The following DAB1 variants were observed in gnomAD, a reference collection of about 807,000 sequenced individuals.
DAB1 encodes disabled homolog 1.
In DAB1, 15 loss-of-function variants were observed where a neutral mutation model predicts 64.6. The ratio of observed to expected loss-of-function variants is 0.23; its 90% CI spans 0.16 to 0.36. The LOEUF is 0.36. Among genes scored for constraint, DAB1 ranks in the 10% least tolerant of loss-of-function variants. DAB1 has a pLI of 1.00. For synonymous variants in DAB1, 235 were observed against 251.9 expected (o/e 0.93, Z 0.64); for missense variants, 596 against 706.7 (o/e 0.84, Z 1.78).
At chr1:57,377,917 G>A (rs1466556126) in intron 1 of DAB1, among the ~76,000 whole-genome samples, 2 of 152,188 alleles carry the variant, frequency 1.3e-5, no homozygotes, top group Non-Finnish European at 2.9e-5. Flanking sequence ...TGGGTGGAAA[G>A]GGTCCTTCTA....
At chr1:57,264,716 C>G (rs1670456485) in intron 2 of DAB1, among the ~76,000 whole-genome samples, 1 of 152,160 alleles carries the variant, frequency 6.6e-6, no homozygotes, top group African/African-American at 2.4e-5. Context: ...CAGGCTCTCA[C>G]TCACCCTGGG....
intron 5 of DAB1, among the ~76,000 whole-genome samples, chr1:57,943,147 G>T (rs1445819023): frequency 6.6e-6 from 1 of 152,208 alleles, no homozygotes; most frequent in Non-Finnish European, 1.5e-5. Context: ...AAAACCTGCT[G>T]CCTGCCTACA....
At chr1:57,343,868 G>A (rs531120713) in intron 1 of DAB1, among the ~76,000 whole-genome samples, 7 of 152,358 alleles carry the variant, frequency 4.6e-5, no homozygotes, top group East Asian at 1.9e-4. Flanking sequence ...GTGCATCAGC[G>A]GGCTGAAGGG....
intron 1 of DAB1, among the ~76,000 whole-genome samples, chr1:57,313,026 G>A (rs1179297821): frequency 2.6e-5 from 4 of 152,170 alleles, no homozygotes; most frequent in East Asian, 1.9e-4. Context: ...TGAGGCTCTC[G>A]GAAAAGAAGG....
intron 6 of DAB1, among the ~76,000 whole-genome samples, chr1:57,812,463 T>G (rs930478000): frequency 6.6e-6 from 1 of 152,080 alleles, no homozygotes; most frequent in Non-Finnish European, 1.5e-5. Context: ...AGTGAAGATG[T>G]GTGCATGCAT....
chr1:58,025,557 T>TAG (rs1646877162), intron 5 of DAB1, among the ~76,000 whole-genome samples: 1 of 147,618 alleles, frequency 6.8e-6, no homozygotes, highest in Non-Finnish European at 1.5e-5. Context: ...ATTATATATA[T>TAG]ATAGAGAGAG....
chr1:57,555,654 G>C (rs1285114849), intron 7 of DAB1, among the ~76,000 whole-genome samples: 1 of 152,138 alleles, frequency 6.6e-6, no homozygotes, highest in African/African-American at 2.4e-5. Flanking sequence ...GCTCTTAAAA[G>C]ATGCTCACAG....
chr1:57,549,419 T>C (rs1486956967), intron 7 of DAB1, among the ~76,000 whole-genome samples: 1 of 152,208 alleles, frequency 6.6e-6, no homozygotes, highest in Non-Finnish European at 1.5e-5. Flanking sequence ...GAATGGTACT[T>C]GTTCTGAAAT....
At chr1:57,815,847 A>T (rs548308328) in intron 6 of DAB1, among the ~76,000 whole-genome samples, 1 of 152,322 alleles carries the variant, frequency 6.6e-6, no homozygotes, top group East Asian at 1.9e-4. Context: ...CACTGAATTA[A>T]AATGGTTTTT....
intron 6 of DAB1, among the ~76,000 whole-genome samples, chr1:57,676,601 A>G (rs1646569766): frequency 6.6e-6 from 1 of 152,186 alleles, no homozygotes; most frequent in African/African-American, 2.4e-5. Flanking sequence ...CCAGAAAACG[A>G]TAACTATTGG....
chr1:58,145,866 C>G (rs574673504), intron 5 of DAB1, among the ~76,000 whole-genome samples: 19 of 152,338 alleles, frequency 1.2e-4, no homozygotes, highest in African/African-American at 4.1e-4. Flanking sequence ...TGGGTTTGAA[C>G]TGCATGGTTC....
At chr1:57,142,409 C>T (rs552831301) in intron 3 of DAB1, among the ~76,000 whole-genome samples, 2 of 152,020 alleles carry the variant, frequency 1.3e-5, no homozygotes, top group South Asian at 4.2e-4. Context: ...TAAAGAAAAA[C>T]CACTGGGAGC....
At chr1:57,594,114 A>G (rs1208056175) in intron 7 of DAB1, among the ~76,000 whole-genome samples, 1 of 152,060 alleles carries the variant, frequency 6.6e-6, no homozygotes, top group Non-Finnish European at 1.5e-5. Context: ...TTACTGTCCT[A>G]CTCCTCTGAA....
chr1:57,857,845 T>A (rs1653823586), intron 1 of DAB1, among the ~76,000 whole-genome samples: 1 of 134,472 alleles, frequency 7.4e-6, no homozygotes, highest in Non-Finnish European at 1.6e-5. Context: ...AATCATAGAA[T>A]GTTCATACAA....
intron 2 of DAB1, among the ~76,000 whole-genome samples, chr1:57,217,269 T>C (rs560855291): frequency 1.8e-4 from 28 of 152,338 alleles, no homozygotes; most frequent in African/African-American, 6.5e-4. Flanking sequence ...AAGATAAGGA[T>C]ATTTAAATTA....
At chr1:58,325,839 C>A (rs1232468328) in intron 4 of DAB1, among the ~76,000 whole-genome samples, 1 of 152,128 alleles carries the variant, frequency 6.6e-6, no homozygotes, top group African/African-American at 2.4e-5. Flanking sequence ...CTTATCTCAC[C>A]TTTTACCTTT....
At chr1:57,040,764 G>GCAAAAACTCAAGGATTTTT (rs1553132234) in intron 9 of DAB1, among the ~76,000 whole-genome samples, 1 of 152,118 alleles carries the variant, frequency 6.6e-6, no homozygotes, top group Admixed American at 6.5e-5. Flanking sequence ...TTCCACATTA[G>GCAAAAACTCAAGGATTTTT]CAAAAACTCA....
At position 57,872,909 on chromosome 1, in the gene DAB1, TG is replaced by T. The variant is rs1643977418; in HGVS notation, n.87+11089del. ...AAGGCTGAGCCAAAGCAGGGTGGTG[TG>T]ATTGGGCCTGGATAGTTTCCAATGA... is the stretch of plus-strand genomic sequence containing the variant. On this transcript the variant is annotated intron_variant and non_coding_transcript_variant, in intron 1 of 1. Transcript: ENST00000477280. Among the ~76,000 whole-genome samples the T allele has an allele frequency of 2.0e-5, 3 of 152,240 alleles. No homozygotes were observed. In the South Asian group the frequency reaches 6.2e-4, roughly 32 times the overall value.
At chr1:57,757,707 G>A (rs3131738) in intron 6 of DAB1, among the ~76,000 whole-genome samples, 89,687 of 151,980 alleles carry the variant, frequency 0.59, 26,547 homozygotes, top group East Asian at 0.66. Flanking sequence ...TTCCAAATAA[G>A]TTCACATTCT....
Sources: allele counts gnomAD v4.1 joint callset (sites outside exome capture counted in the v4.1 genomes callset), GRCh38; gene constraint gnomAD v4.1.1; transcripts MANE v1.5; gene names NCBI Gene and HGNC (gene_info 2026-07-23, HGNC 2026-07-21).